SLC25A21: variants seen among roughly 807,000 people sequenced by gnomAD.
The protein encoded by SLC25A21 is mitochondrial 2-oxodicarboxylate carrier.
In SLC25A21, 47 loss-of-function variants were observed where a neutral mutation model predicts 43.8. The ratio of observed to expected loss-of-function variants is 1.07; its 90% CI spans 0.85 to 1.37. SLC25A21 has a LOEUF of 1.37. Among genes scored for constraint, SLC25A21 ranks in the 40% most tolerant of loss-of-function variants. SLC25A21 has a pLI of 0.00. For missense variants in SLC25A21, 352 were observed against 350.2 expected (o/e 1.00, Z -0.04); for synonymous variants, 131 against 121.3 (o/e 1.08, Z -0.52).
chr14:37,081,947 G>A (rs1275436066), intron 1 of SLC25A21, among the ~76,000 whole-genome samples: 2 of 152,094 alleles, frequency 1.3e-5, no homozygotes, highest in South Asian at 2.1e-4. Flanking sequence ...ATAGAAAACT[G>A]TATAACCATA....
At chr14:36,783,337 A>G (rs1887139634) in intron 3 of SLC25A21, among the ~76,000 whole-genome samples, 1 of 152,072 alleles carries the variant, frequency 6.6e-6, no homozygotes, top group Non-Finnish European at 1.5e-5. Context: ...AGGTGTACCA[A>G]GTGACTCATC....
intron 3 of SLC25A21, among the ~76,000 whole-genome samples, chr14:36,767,793 G>A (rs772885134): frequency 6.6e-6 from 1 of 152,140 alleles, no homozygotes; most frequent in Admixed American, 6.6e-5. Context: ...ACACCCAAAC[G>A]GATTTCTAGC....
chr14:36,764,984 C>G (rs1420118701), intron 3 of SLC25A21, among the ~76,000 whole-genome samples: 1 of 152,212 alleles, frequency 6.6e-6, no homozygotes, highest in East Asian at 1.9e-4. Flanking sequence ...ACTTCCAAAA[C>G]TAGTTGAGAG....
chr14:37,156,445 T>G (rs1007140773), intron 1 of SLC25A21, among the ~76,000 whole-genome samples: 2 of 152,004 alleles, frequency 1.3e-5, no homozygotes, highest in Non-Finnish European at 2.9e-5. Context: ...ATCTTGAACA[T>G]AAACATTAAA....
chr14:37,162,033 G>C (rs1228048263), intron 1 of SLC25A21, among the ~76,000 whole-genome samples: 1 of 149,654 alleles, frequency 6.7e-6, no homozygotes, highest in Non-Finnish European at 1.5e-5. Context: ...AGAACACCAA[G>C]TAATGAGGGA....
intron 1 of SLC25A21, among the ~76,000 whole-genome samples, chr14:36,976,527 T>C (rs565866114): frequency 7.9e-4 from 119 of 149,730 alleles, no homozygotes; most frequent in African/African-American, 2.9e-3. Context: ...GAGCAAGCCA[T>C]GGCCTGTAGA....
At position 36,944,230 on chromosome 14, in the gene SLC25A21, G is replaced by C. The variant is rs534644925; in HGVS notation, c.71-69226C>G. ...TGGGACCCTAGCCCAGCATACTGTCGGGCAAGGACAAACCCATAGCCTGCC... is the reference window on the plus strand; with the variant it reads ...TGGGACCCTAGCCCAGCATACTGTCCGGCAAGGACAAACCCATAGCCTGCC... On this transcript the variant is annotated intron_variant, in intron 1 of 9. Coordinates refer to ENST00000331299, the MANE Select transcript of SLC25A21 (RefSeq NM_030631.4). 1.5e-3 allele frequency among the ~76,000 whole-genome samples: 231 copies of C among 152,166 alleles called. 2 individuals are homozygous for C. The highest frequency in any genetic ancestry group is 2.9e-3 in the South Asian group (14 of 4,824).
At chr14:36,713,505 G>T (rs971387642) in intron 6 of SLC25A21, among the ~76,000 whole-genome samples, 2 of 152,052 alleles carry the variant, frequency 1.3e-5, no homozygotes, top group African/African-American at 2.4e-5. Flanking sequence ...GTTGAGTTCG[G>T]ACTCTAGTTG....
intron 1 of SLC25A21, among the ~76,000 whole-genome samples, chr14:37,160,643 A>T (rs946090627): frequency 3.9e-5 from 6 of 152,062 alleles, no homozygotes; most frequent in Admixed American, 1.3e-4. Flanking sequence ...GTAGAAATAA[A>T]TTCAGGCCAG....
intron 1 of SLC25A21, among the ~76,000 whole-genome samples, chr14:37,168,645 C>T (rs1298792762): frequency 2.0e-5 from 3 of 151,108 alleles, no homozygotes; most frequent in Non-Finnish European, 4.4e-5. Flanking sequence ...TGGACTAGAA[C>T]CGAAAAAAAA....
At chr14:37,016,566 G>T (rs1960861832) in intron 1 of SLC25A21, among the ~76,000 whole-genome samples, 1 of 151,954 alleles carries the variant, frequency 6.6e-6, no homozygotes, top group Non-Finnish European at 1.5e-5. Flanking sequence ...AGGGCCTTAG[G>T]ATTTTCAAAA....
At chr14:36,943,879 G>C (rs1380216309) in intron 1 of SLC25A21, among the ~76,000 whole-genome samples, 1 of 152,034 alleles carries the variant, frequency 6.6e-6, no homozygotes, top group Non-Finnish European at 1.5e-5. Context: ...AAACCTCCTA[G>C]TAACATATTT....
At chr14:37,053,334 A>G (rs1961751515) in intron 1 of SLC25A21, among the ~76,000 whole-genome samples, 1 of 152,222 alleles carries the variant, frequency 6.6e-6, no homozygotes, top group Non-Finnish European at 1.5e-5. Context: ...TTGCAGAGGA[A>G]TCTATTAGAG....
chr14:36,916,052 C>T (rs1449247738), intron 1 of SLC25A21, among the ~76,000 whole-genome samples: 1 of 152,092 alleles, frequency 6.6e-6, no homozygotes, highest in Non-Finnish European at 1.5e-5. Flanking sequence ...AAGAGATGTT[C>T]AAAACTTTTG....
intron 1 of SLC25A21, among the ~76,000 whole-genome samples, chr14:36,982,216 A>T (rs1960043991): frequency 6.6e-6 from 1 of 152,234 alleles, no homozygotes; most frequent in Non-Finnish European, 1.5e-5. Context: ...ACTCATTTTC[A>T]AATAAGTTTT....
chr14:37,112,408 T>C (rs1963036086), intron 1 of SLC25A21, among the ~76,000 whole-genome samples: 1 of 152,108 alleles, frequency 6.6e-6, no homozygotes, highest in Non-Finnish European at 1.5e-5. Context: ...AAATGGGAGA[T>C]GAAGTAACAA....
At chr14:36,896,216 G>A (rs1299687541) in intron 1 of SLC25A21, among the ~76,000 whole-genome samples, 1 of 152,122 alleles carries the variant, frequency 6.6e-6, no homozygotes, top group Non-Finnish European at 1.5e-5. Context: ...TTATGAATCT[G>A]GGTGCTCCTG....
intron 1 of SLC25A21, 181 bp downstream of exon 1, chr14:37,172,100 G>T: frequency 3.2e-6 from 2 of 625,980 alleles, no homozygotes; most frequent in Non-Finnish European, 5.4e-6. Flanking sequence ...CCCACTACTC[G>T]CAATCAACTC....
chr14:36,843,085 G>A (rs759725389), intron 2 of SLC25A21, among the ~76,000 whole-genome samples: 1 of 152,194 alleles, frequency 6.6e-6, no homozygotes, highest in East Asian at 1.9e-4. Context: ...TCTGACAGGA[G>A]ATACAGCTCA....
Sources: allele counts gnomAD v4.1 joint callset (sites outside exome capture counted in the v4.1 genomes callset), GRCh38; gene constraint gnomAD v4.1.1; transcripts MANE v1.5; gene names NCBI Gene and HGNC (gene_info 2026-07-23, HGNC 2026-07-21).